CNTLN: variants seen among roughly 807,000 people sequenced by gnomAD.
The protein encoded by CNTLN is centlein, centrosomal protein.
In CNTLN, 212 loss-of-function variants were observed where a neutral mutation model predicts 180.0. The ratio of observed to expected loss-of-function variants is 1.18; its 90% confidence interval spans 1.05 to 1.32. The LOEUF (loss-of-function observed/expected upper bound fraction) is 1.32. Among genes scored for constraint, CNTLN ranks in the 40% most tolerant of loss-of-function variants. The pLI is 0.00. For synonymous variants in CNTLN, 722 were observed against 563.1 expected (o/e 1.28, Z -3.99); for missense variants, 2,095 against 1,610.9 (o/e 1.30, Z -5.14).
intron 18 of CNTLN, among the ~76,000 whole-genome samples, chr9:17,416,997 A>G (rs1483377709): frequency 6.6e-6 from 1 of 152,152 alleles, no homozygotes; most frequent in Admixed American, 6.5e-5. Flanking sequence ...ACATATAAAC[A>G]CTTTAATGGT....
chr9:17,495,360 C>T (rs1833397137), intron 25 of CNTLN, among the ~76,000 whole-genome samples: 2 of 151,976 alleles, frequency 1.3e-5, no homozygotes, highest in East Asian at 3.9e-4. Flanking sequence ...TCCAGTGGGA[C>T]AAGATGTGGA....
intron 9 of CNTLN, among the ~76,000 whole-genome samples, chr9:17,331,502 A>G (rs1820641010): frequency 6.6e-6 from 1 of 151,974 alleles, no homozygotes; most frequent in African/African-American, 2.4e-5. Context: ...CCTCAGAGTA[A>G]GAGTTTTAGC....
chr9:17,363,973 C>G (rs1823605945), intron 12 of CNTLN, among the ~76,000 whole-genome samples: 1 of 152,092 alleles, frequency 6.6e-6, no homozygotes, highest in Non-Finnish European at 1.5e-5. Context: ...TATGAGAACT[C>G]TGCTGTTATT....
chr9:17,278,972 C>G (rs1828489139), intron 6 of CNTLN, among the ~76,000 whole-genome samples: 1 of 151,828 alleles, frequency 6.6e-6, no homozygotes, highest in Admixed American at 6.6e-5. Flanking sequence ...CAATAAGGCT[C>G]TCTGATGTGA....
At chr9:17,403,935 C>G (rs900389322) in intron 15 of CNTLN, among the ~76,000 whole-genome samples, 2 of 151,498 alleles carry the variant, frequency 1.3e-5, no homozygotes, top group African/African-American at 4.9e-5. Flanking sequence ...GCCACAACAC[C>G]CGGCTAATTT....
At chr9:17,262,512 G>A (rs747366631) in intron 5 of CNTLN, among the ~76,000 whole-genome samples, 2 of 151,450 alleles carry the variant, frequency 1.3e-5, no homozygotes, top group Admixed American at 1.3e-4. Flanking sequence ...CTCATAAGTG[G>A]GAGTTGAACA....
chr9:17,467,911 A>C (rs757681214), intron 23 of CNTLN, among the ~76,000 whole-genome samples: 3 of 151,704 alleles, frequency 2.0e-5, no homozygotes, highest in Non-Finnish European at 4.4e-5. Context: ...AAATAATATA[A>C]ATCCTTCTAC....
intron 1 of CNTLN, 66 bp from the exon 2 acceptor site, chr9:17,143,222 A>T: frequency 9.2e-7 from 1 of 1,083,492 alleles, no homozygotes; most frequent in Non-Finnish European, 1.4e-6. Context: ...TTTAAAATTT[A>T]ATGTAGTATC....
the CNTLN span, among the ~76,000 whole-genome samples, chr9:17,514,714 C>A: frequency 8.5e-5 from 13 of 152,188 alleles, no homozygotes; most frequent in Admixed American, 7.9e-4. Flanking sequence ...GATCAGCTGA[C>A]TGTCAGCCAA....
chr9:17,451,854 G>A lies in CNTLN; in HGVS notation c.3115-5670G>A, dbSNP rs575379815. Among the ~76,000 whole-genome samples the A allele has an allele frequency of 1.3e-3, 204 of 152,228 alleles. 1 individual carries two copies. In the Middle Eastern group the frequency reaches 0.014, roughly 10 times the overall value. On this transcript the variant is annotated intron_variant, in intron 18 of 25. Coordinates refer to ENST00000380647, the MANE Select transcript of CNTLN (RefSeq NM_017738.4). ...TTCATTACTTTAAATTTTTAATCCAGTGGTAAAAAACAAATGGGAAAGACT... is the reference window on the plus strand; with the variant it reads ...TTCATTACTTTAAATTTTTAATCCAATGGTAAAAAACAAATGGGAAAGACT...
the CNTLN span, among the ~76,000 whole-genome samples, chr9:17,519,792 A>G: frequency 6.6e-6 from 1 of 152,228 alleles, no homozygotes; most frequent in Non-Finnish European, 1.5e-5. Context: ...GAGAAGGTCA[A>G]ACAGTTACAA....
intron 12 of CNTLN, among the ~76,000 whole-genome samples, chr9:17,345,963 TTC>T (rs770814561): frequency 3.1e-4 from 47 of 152,320 alleles, no homozygotes; most frequent in African/African-American, 1.1e-3. Context: ...TGGTAAGAAA[TTC>T]TCTGTTTTCT....
At chr9:17,215,796 T>G (rs1009791667) in intron 2 of CNTLN, among the ~76,000 whole-genome samples, 9 of 152,120 alleles carry the variant, frequency 5.9e-5, no homozygotes, top group Non-Finnish European at 1.0e-4. Flanking sequence ...CAGTTCGATC[T>G]CAGACTGCTG....
At chr9:17,136,925 C>A (rs1468571255) in intron 1 of CNTLN, among the ~76,000 whole-genome samples, 1 of 151,814 alleles carries the variant, frequency 6.6e-6, no homozygotes, top group East Asian at 1.9e-4. Context: ...ATCTAAGACA[C>A]TCTTTGGCAT....
chr9:17,405,232 G>A (rs1249304485), intron 15 of CNTLN, among the ~76,000 whole-genome samples: 1 of 151,548 alleles, frequency 6.6e-6, no homozygotes, highest in Non-Finnish European at 1.5e-5. Flanking sequence ...TTAGTTTTGT[G>A]ACATTCCCCC....
At chr9:17,207,007 G>C (rs1822970778) in intron 2 of CNTLN, among the ~76,000 whole-genome samples, 1 of 152,130 alleles carries the variant, frequency 6.6e-6, no homozygotes, top group South Asian at 2.1e-4. Flanking sequence ...ATGAGTAGTG[G>C]ACTCTGGAGC....
rs138675757 is a variant in CNTLN, at chr9:17,382,674, A to T, written c.1988-5488A>T. The stretch of plus-strand genomic sequence containing the variant: ...CCCATGCAGTATATTTTATAAATAA[A>T]GGAAGGTCAGACTGCAGTTTCGTTT... On this transcript the variant is annotated intron_variant, in intron 13 of 25. Transcript: ENST00000380647. Among the ~76,000 whole-genome samples, 12 of 152,338 alleles carry T rather than the reference A, an allele frequency of 7.9e-5. No individual in the cohort carries two copies. In the East Asian group the frequency reaches 2.3e-3, roughly 29 times the overall value.
chr9:17,330,017 T>A (rs1011476951), intron 8 of CNTLN, among the ~76,000 whole-genome samples: 1 of 152,060 alleles, frequency 6.6e-6, no homozygotes, highest in Admixed American at 6.6e-5. Context: ...CCAGTTTTCA[T>A]GAACAGGTTT....
intron 18 of CNTLN, among the ~76,000 whole-genome samples, chr9:17,430,616 G>A (rs527333840): frequency 6.6e-6 from 1 of 151,886 alleles, no homozygotes; most frequent in African/African-American, 2.4e-5. Flanking sequence ...AACTGTAGTT[G>A]CCCTACTGTA....
Sources: gnomAD v4.1 joint callset for allele counts (sites outside exome capture counted in the v4.1 genomes callset) on GRCh38, gnomAD v4.1.1 for gene constraint, MANE v1.5 for transcripts, NCBI Gene and HGNC (gene_info 2026-07-23, HGNC 2026-07-21) for gene names.